The following TENM2 variants were observed in gnomAD, a reference collection of about 807,000 sequenced individuals.
TENM2 encodes the protein teneurin transmembrane protein 2, also known as teneurin-2.
In TENM2, 52 loss-of-function variants were observed where a neutral mutation model predicts 245.2. The ratio of observed to expected loss-of-function variants is 0.21; its 90% CI spans 0.17 to 0.27. TENM2 has a LOEUF of 0.27. Among genes scored for constraint, TENM2 ranks in the 10% least tolerant of loss-of-function variants. The probability of loss-of-function intolerance (pLI) is 1.00; values close to 1 mark genes in which losing one functional copy is unlikely to be tolerated. For synonymous variants in TENM2, 1,363 were observed against 1,438.9 expected (o/e 0.95, Z 1.19); for missense variants, 3,046 against 3,666.8 (o/e 0.83, Z 4.37).
At chr5:168,178,719 T>G (rs1263089702) in intron 13 of TENM2, among the ~76,000 whole-genome samples, 1 of 152,190 alleles carries the variant, frequency 6.6e-6, no homozygotes, top group Admixed American at 6.5e-5. Context: ...TTTCCCTTCA[T>G]AAGTCCTGTG....
intron 9 of TENM2, among the ~76,000 whole-genome samples, chr5:168,102,928 G>A (rs1007768682): frequency 9.9e-5 from 15 of 151,872 alleles, no homozygotes; most frequent in South Asian, 2.1e-4. Context: ...TGTGCACAAC[G>A]TGCATGTTTG....
intron 2 of TENM2, among the ~76,000 whole-genome samples, chr5:167,787,084 G>A (rs1396443588): frequency 6.6e-6 from 1 of 152,138 alleles, no homozygotes; most frequent in African/African-American, 2.4e-5. Context: ...TCCCCAGGGG[G>A]CAAATAAGGA....
intron 2 of TENM2, among the ~76,000 whole-genome samples, chr5:167,430,471 C>T (rs923845470): frequency 6.6e-6 from 1 of 152,144 alleles, no homozygotes; most frequent in Non-Finnish European, 1.5e-5. Flanking sequence ...CCCTTAATAT[C>T]TGAAATTTTT....
At chr5:167,383,929 A>C (rs1761257942) in intron 2 of TENM2, among the ~76,000 whole-genome samples, 1 of 152,112 alleles carries the variant, frequency 6.6e-6, no homozygotes, top group South Asian at 2.1e-4. Context: ...TGTGTCCAAA[A>C]GGCTTATGCT....
intron 2 of TENM2, among the ~76,000 whole-genome samples, chr5:167,800,648 T>A (rs1765641670): frequency 6.6e-6 from 1 of 152,164 alleles, no homozygotes; most frequent in African/African-American, 2.4e-5. Context: ...TCCACTGAAT[T>A]TCAGTTCTGT....
chr5:168,112,112 T>C (rs1794711226), intron 9 of TENM2, among the ~76,000 whole-genome samples: 1 of 152,222 alleles, frequency 6.6e-6, no homozygotes, highest in African/African-American at 2.4e-5. Flanking sequence ...TCATGGTTTC[T>C]AGAATTTATG....
At chr5:167,987,860 A>T (rs1783368316) in intron 4 of TENM2, among the ~76,000 whole-genome samples, 1 of 152,208 alleles carries the variant, frequency 6.6e-6, no homozygotes, top group Non-Finnish European at 1.5e-5. Context: ...TAATCTTCTA[A>T]AGATTAGTGA....
the TENM2 span, among the ~76,000 whole-genome samples, chr5:167,023,227 T>G: frequency 6.6e-6 from 1 of 152,214 alleles, no homozygotes; most frequent in Non-Finnish European, 1.5e-5. Flanking sequence ...GCAACTAAAC[T>G]TCATTAGCAA....
At chr5:167,950,320 C>A (rs914877619) in intron 3 of TENM2, among the ~76,000 whole-genome samples, 3 of 152,156 alleles carry the variant, frequency 2.0e-5, no homozygotes, top group African/African-American at 7.2e-5. Flanking sequence ...TCACAAGGGC[C>A]ACACAAGCTG....
chr5:168,209,676 G>A (rs1762639944), intron 19 of TENM2, among the ~76,000 whole-genome samples: 1 of 152,206 alleles, frequency 6.6e-6, no homozygotes, highest in South Asian at 2.1e-4. Flanking sequence ...GTAATTCTGA[G>A]CAGAACATGA....
chr5:167,635,811 AT>A, intron 2 of TENM2, among the ~76,000 whole-genome samples: 1 of 151,176 alleles, frequency 6.6e-6, no homozygotes, highest in East Asian at 2.0e-4. Flanking sequence ...CGCCCAGCTA[AT>A]TTTTTGTATT....
intron 9 of TENM2, among the ~76,000 whole-genome samples, chr5:168,114,461 T>C (rs901721466): frequency 9.9e-5 from 15 of 152,178 alleles, no homozygotes; most frequent in African/African-American, 3.4e-4. Context: ...ATACAGGAGG[T>C]TCCCCATTTC....
rs748361580 is a variant in TENM2 at position 167,456,259 on chromosome 5, A to G, written c.502+80786A>G. 4.4e-4 allele frequency among the ~76,000 whole-genome samples: 67 copies of G among 152,162 alleles called. 2 individuals are homozygous for G. Among genetic ancestry groups the G allele is most frequent in the Non-Finnish European group, 1.2e-4 (8 of 68,034 alleles). On this transcript the variant is annotated intron_variant, in intron 2 of 28. Coordinates refer to ENST00000518659, the Ensembl canonical transcript of TENM2. ...ATAGGAACCCCAAACCACTTTGAGC[A>G]TTCTGGGGAGGAAGAGGAGAACTTA... is the stretch of plus-strand genomic sequence containing the variant.
At chr5:167,933,701 C>A (rs1319562049) in intron 3 of TENM2, among the ~76,000 whole-genome samples, 1 of 151,732 alleles carries the variant, frequency 6.6e-6, no homozygotes, top group Non-Finnish European at 1.5e-5. Flanking sequence ...GACCCAGGAC[C>A]AACTAGAGTG....
chr5:167,314,664 A>G (rs1756247905), intron 1 of TENM2, among the ~76,000 whole-genome samples: 2 of 152,138 alleles, frequency 1.3e-5, no homozygotes, highest in African/African-American at 2.4e-5. Context: ...ACAATTTCAC[A>G]GAGTTGATGA....
chr5:167,452,102 A>T (rs1301309976), intron 2 of TENM2, among the ~76,000 whole-genome samples: 6 of 152,334 alleles, frequency 3.9e-5, no homozygotes, highest in Non-Finnish European at 5.9e-5. Context: ...GTGACTTATT[A>T]AAAAAATAAA....
the TENM2 span, among the ~76,000 whole-genome samples, chr5:167,049,829 T>TA: frequency 6.6e-6 from 1 of 152,096 alleles, no homozygotes; most frequent in Admixed American, 6.6e-5. Flanking sequence ...TATAGATATA[T>TA]TTTTTTTCAG....
At chr5:167,354,407 G>A (rs527588876) in intron 1 of TENM2, among the ~76,000 whole-genome samples, 10 of 152,196 alleles carry the variant, frequency 6.6e-5, no homozygotes, top group Non-Finnish European at 1.3e-4. Context: ...AAATTTAGGA[G>A]TCCATAAACC....
rs1485945921 is a variant in TENM2 at position 167,690,920 on chromosome 5, A to AGT, written c.503-185065_503-185064dup. The stretch of plus-strand genomic sequence containing the variant: ...ATTTGTATATATATCCGTATATGCG[A>AGT]GTATGTGTGTGTGTGTGTGTGTGTG... On this transcript the variant is annotated intron_variant, in intron 2 of 28. Coordinates refer to ENST00000518659, the Ensembl canonical transcript of TENM2. Among the ~76,000 whole-genome samples, 259 of 136,532 alleles carry AGT rather than the reference A, an allele frequency of 1.9e-3. 4 individuals carry two copies. The highest frequency in any genetic ancestry group is 5.9e-3 in the African/African-American group (216 of 36,702). 89.6% of individuals were successfully genotyped at this position (136,532 alleles called of 152,430 possible). A position where few individuals can be genotyped will look rare whatever the true frequency, so the allele number is the denominator to read the frequency against.
Sources: allele counts gnomAD v4.1 joint callset (sites outside exome capture counted in the v4.1 genomes callset), GRCh38; gene constraint gnomAD v4.1.1; transcripts MANE v1.5; gene names NCBI Gene and HGNC (gene_info 2026-07-23, HGNC 2026-07-21).